The following CLNK variants were observed in gnomAD, a reference collection of about 807,000 sequenced individuals.
The protein encoded by CLNK is cytokine-dependent hematopoietic cell linker.
CLNK carries 74 observed loss-of-function variants against 68.6 expected under a neutral mutation model. That is an observed-to-expected ratio of 1.08 (90% CI 0.89 to 1.31). The LOEUF (loss-of-function observed/expected upper bound fraction) is 1.31. Ranked by LOEUF, CLNK falls within the 50% of genes most tolerant of loss-of-function variation. CLNK has a pLI of 0.00. For missense variants in CLNK, 553 were observed against 515.3 expected, an observed-to-expected ratio of 1.07 and a Z score of -0.71; for synonymous variants, 198 against 172.2, an observed-to-expected ratio of 1.15 and a Z score of -1.17.
chr4:10,729,947 T>C, the CLNK span, among the ~76,000 whole-genome samples: 1 of 152,240 alleles, frequency 6.6e-6, no homozygotes, highest in Non-Finnish European at 1.5e-5. Flanking sequence ...TTTACTGCCA[T>C]TTGTTTTTGA....
chr4:10,625,672 A>C (rs1463220390), intron 2 of CLNK, among the ~76,000 whole-genome samples: 1 of 152,166 alleles, frequency 6.6e-6, no homozygotes, highest in African/African-American at 2.4e-5. Flanking sequence ...ACAGAGAGAG[A>C]GCAACAGAGT....
At chr4:10,597,274 A>C (rs1308080835) in intron 3 of CLNK, among the ~76,000 whole-genome samples, 2 of 152,190 alleles carry the variant, frequency 1.3e-5, no homozygotes, top group African/African-American at 4.8e-5. Context: ...TTGGCCAGGG[A>C]GTCCCACCTG....
At chr4:10,642,374 A>G (rs1346984291) in intron 2 of CLNK, among the ~76,000 whole-genome samples, 1 of 152,164 alleles carries the variant, frequency 6.6e-6, no homozygotes, top group Non-Finnish European at 1.5e-5. Flanking sequence ...AGGAGAGAAA[A>G]CAGGCACAGA....
intron 2 of CLNK, among the ~76,000 whole-genome samples, chr4:10,664,228 GTA>G (rs1724306697): frequency 1.8e-5 from 1 of 54,210 alleles, no homozygotes; most frequent in Non-Finnish European, 4.7e-5. Context: ...GCATTAACAA[GTA>G]AAAAAAAAAA....
At chr4:10,598,981 CCTT>C (rs1453323754) in intron 2 of CLNK, among the ~76,000 whole-genome samples, 3 of 152,362 alleles carry the variant, frequency 2.0e-5, no homozygotes, top group Admixed American at 6.5e-5. Flanking sequence ...CCCTTGTCTT[CCTT>C]CTTCTTATTA....
chr4:10,653,859 G>T (rs773404493), intron 2 of CLNK, among the ~76,000 whole-genome samples: 2 of 152,138 alleles, frequency 1.3e-5, no homozygotes, highest in Non-Finnish European at 2.9e-5. Context: ...AATGGTAAAA[G>T]AATATTAGTG....
intron 17 of CLNK, among the ~76,000 whole-genome samples, chr4:10,504,276 A>G (rs1430981367): frequency 6.6e-6 from 1 of 151,314 alleles, no homozygotes; most frequent in South Asian, 2.1e-4. Flanking sequence ...GCCCGCCACC[A>G]CGCCCGGCTA....
chr4:10,582,057 TG>T (rs1229204916), intron 4 of CLNK, among the ~76,000 whole-genome samples: 1 of 152,252 alleles, frequency 6.6e-6, no homozygotes, highest in Non-Finnish European at 1.5e-5. Context: ...TTTTAACTAT[TG>T]TAATTGAATT....
intron 1 of CLNK, among the ~76,000 whole-genome samples, chr4:10,669,982 G>A (rs539585431): frequency 1.3e-5 from 2 of 152,198 alleles, no homozygotes; most frequent in African/African-American, 4.8e-5. Context: ...TCCTGGACTG[G>A]AAGTTGAGAG....
the CLNK span, among the ~76,000 whole-genome samples, chr4:10,699,494 C>CTCTATATATATATATATATA: frequency 1.2e-4 from 7 of 56,986 alleles, no homozygotes; most frequent in African/African-American, 6.3e-4. Context: ...CTCTCTCTCT[C>CTCTATATATATATATATATA]TATATATATA....
chr4:10,613,228 G>A (rs1722099179), intron 2 of CLNK, among the ~76,000 whole-genome samples: 1 of 152,190 alleles, frequency 6.6e-6, no homozygotes, highest in African/African-American at 2.4e-5. Context: ...CTGTAGAGCA[G>A]GTGGGGGAAT....
At chr4:10,567,728 T>A (rs1720176523) in intron 5 of CLNK, among the ~76,000 whole-genome samples, 1 of 152,200 alleles carries the variant, frequency 6.6e-6, no homozygotes, top group Admixed American at 6.5e-5. Flanking sequence ...TGCAATGATC[T>A]AAGGATAAAT....
In CLNK at chr4:10,658,569, C is replaced by T. The variant is rs565901410; in HGVS notation, c.11+9290G>A. On this transcript the variant is annotated intron_variant, in intron 2 of 18. Transcript: ENST00000226951. ...CAGACTGGATCCCTGGTTCTCAAGGCGGGTGCCTAGTGCCCCAGCCTCCCT... is the reference window on the plus strand; with the variant it reads ...CAGACTGGATCCCTGGTTCTCAAGGTGGGTGCCTAGTGCCCCAGCCTCCCT... Among the ~76,000 whole-genome samples the T allele has an allele frequency of 3.9e-5, 6 of 152,306 alleles. No homozygotes were observed. The East Asian group carries it at 7.7e-4, about 20-fold the overall frequency.
At chr4:10,545,536 G>C (rs576942085) in intron 8 of CLNK, among the ~76,000 whole-genome samples, 1 of 152,190 alleles carries the variant, frequency 6.6e-6, no homozygotes, top group South Asian at 2.1e-4. Flanking sequence ...ATGCACACCA[G>C]TAGCTGTACA....
the CLNK span, among the ~76,000 whole-genome samples, chr4:10,699,243 T>TATGTGTGTGTATACAC: frequency 1.8e-5 from 1 of 54,802 alleles, no homozygotes; most frequent in African/African-American, 6.9e-5. Context: ...TACACACACA[T>TATGTGTGTGTATACAC]ACACACCACG....
chr4:10,714,846 A>G, the CLNK span, among the ~76,000 whole-genome samples: 39 of 152,324 alleles, frequency 2.6e-4, no homozygotes, highest in South Asian at 2.1e-3. Context: ...TACATTATAC[A>G]TTCTGACATC....
chr4:10,649,597 C>T (rs1455586192), intron 2 of CLNK, among the ~76,000 whole-genome samples: 1 of 152,134 alleles, frequency 6.6e-6, no homozygotes, highest in Non-Finnish European at 1.5e-5. Context: ...GAGCTGCTCT[C>T]TCAGGGTAAG....
chr4:10,693,750 T>G, the CLNK span, among the ~76,000 whole-genome samples: 1 of 152,218 alleles, frequency 6.6e-6, no homozygotes, highest in Non-Finnish European at 1.5e-5. Context: ...ACAACATTTA[T>G]GCCTGAAGAG....
intron 2 of CLNK, among the ~76,000 whole-genome samples, chr4:10,637,443 T>TTG (rs1002129903): frequency 6.6e-6 from 1 of 151,020 alleles, no homozygotes; most frequent in Non-Finnish European, 1.5e-5. Context: ...AAAAAGTTTT[T>TTG]TTTTTTTTTT....
Sources: allele counts gnomAD v4.1 joint callset (sites outside exome capture counted in the v4.1 genomes callset), GRCh38; gene constraint gnomAD v4.1.1; transcripts MANE v1.5; gene names NCBI Gene and HGNC (gene_info 2026-07-23, HGNC 2026-07-21).